Variants in CPNE4 observed in about 807,000 individuals in gnomAD.
CPNE4 encodes copine-4.
Under a neutral mutation model 67.9 loss-of-function variants are expected in CPNE4, and 25 were observed. That is an observed-to-expected ratio of 0.37 (90% CI 0.27 to 0.51). The LOEUF (loss-of-function observed/expected upper bound fraction) is 0.51. Ranked by LOEUF, CPNE4 falls within the 20% of genes least tolerant of loss-of-function variation. CPNE4 has a pLI of 0.93. For synonymous variants in CPNE4, 242 were observed against 244.9 expected (o/e 0.99, Z 0.11); for missense variants, 464 against 690.8 (o/e 0.67, Z 3.68).
intron 1 of CPNE4, among the ~76,000 whole-genome samples, chr3:132,025,503 G>C (rs1285601474): frequency 2.0e-5 from 3 of 152,158 alleles, no homozygotes; most frequent in Non-Finnish European, 4.4e-5. Flanking sequence ...AAGGGTAAAT[G>C]ATTCAGTAGC....
At chr3:131,916,972 G>T (rs1264908492) in intron 1 of CPNE4, among the ~76,000 whole-genome samples, 1 of 152,140 alleles carries the variant, frequency 6.6e-6, no homozygotes, top group Non-Finnish European at 1.5e-5. Context: ...GTGCTCAAAA[G>T]ACTTAACAGG....
At chr3:131,876,653 A>AAAAAAAAAAAAAAG (rs762079430) in intron 2 of CPNE4, among the ~76,000 whole-genome samples, 118 of 140,696 alleles carry the variant, frequency 8.4e-4, no homozygotes, top group South Asian at 1.3e-3. Flanking sequence ...AAAAAAAAAA[A>AAAAAAAAAAAAAAG]AAAGAAAGAA....
intron 7 of CPNE4, among the ~76,000 whole-genome samples, chr3:131,623,308 A>G (rs1022946582): frequency 2.0e-5 from 3 of 152,060 alleles, no homozygotes; most frequent in Non-Finnish European, 4.4e-5. Context: ...TCATTGGGTG[A>G]TGATTTTTGT....
At chr3:132,026,221 G>A (rs1263320628) in intron 1 of CPNE4, among the ~76,000 whole-genome samples, 2 of 152,202 alleles carry the variant, frequency 1.3e-5, no homozygotes, top group Non-Finnish European at 2.9e-5. Context: ...CAGAGTGACA[G>A]AGGGAGTATC....
chr3:131,712,158 G>A (rs2107724451), intron 3 of CPNE4, among the ~76,000 whole-genome samples: 1 of 152,282 alleles, frequency 6.6e-6, no homozygotes, highest in Non-Finnish European at 1.5e-5. Context: ...TCCTCCACCT[G>A]AGTGTGAGTT....
intron 15 of CPNE4, among the ~76,000 whole-genome samples, chr3:131,535,660 T>C (rs1935097930): frequency 6.6e-6 from 1 of 152,212 alleles, no homozygotes; most frequent in Non-Finnish European, 1.5e-5. Flanking sequence ...GGTGCCACAC[T>C]AGGGTTTGAG....
chr3:131,642,849 CT>C (rs1341409200), intron 7 of CPNE4, among the ~76,000 whole-genome samples: 1 of 152,168 alleles, frequency 6.6e-6, no homozygotes, highest in African/African-American at 2.4e-5. Flanking sequence ...AACATCTTTC[CT>C]TTATAAATAA....
intron 3 of CPNE4, among the ~76,000 whole-genome samples, chr3:131,720,630 A>G (rs939543214): frequency 6.6e-6 from 1 of 152,222 alleles, no homozygotes; most frequent in African/African-American, 2.4e-5. Flanking sequence ...CACAAAGTGT[A>G]TAAATGTCCC....
intron 1 of CPNE4, among the ~76,000 whole-genome samples, chr3:131,931,060 C>T (rs1194318757): frequency 6.6e-6 from 1 of 152,084 alleles, no homozygotes; most frequent in Non-Finnish European, 1.5e-5. Context: ...GGAAATATCA[C>T]TACCTGATAT....
chr3:131,758,967 T>G (rs1350086993), intron 2 of CPNE4, among the ~76,000 whole-genome samples: 4 of 152,182 alleles, frequency 2.6e-5, no homozygotes, highest in Admixed American at 6.5e-5. Flanking sequence ...AACCTCTTTT[T>G]CTTCCCCGTG....
chr3:131,601,565 T>G (rs114228619), intron 7 of CPNE4, among the ~76,000 whole-genome samples: 12 of 152,282 alleles, frequency 7.9e-5, no homozygotes, highest in Middle Eastern at 3.4e-3. Flanking sequence ...TTCTTTATCT[T>G]ATTTATACAG....
intron 2 of CPNE4, among the ~76,000 whole-genome samples, chr3:131,746,161 T>G (rs553649906): frequency 6.6e-6 from 1 of 152,150 alleles, no homozygotes; most frequent in Non-Finnish European, 1.5e-5. Context: ...AGATAATAAG[T>G]GTACATATTT....
At chr3:131,644,017 TA>T (rs981114957) in intron 7 of CPNE4, among the ~76,000 whole-genome samples, 4 of 152,202 alleles carry the variant, frequency 2.6e-5, no homozygotes, top group Admixed American at 2.6e-4. Context: ...GCCCATTTAA[TA>T]GCCTTTTGTA....
chr3:131,778,463 A>G (rs1004086747), intron 2 of CPNE4, among the ~76,000 whole-genome samples: 6 of 152,076 alleles, frequency 3.9e-5, no homozygotes, highest in African/African-American at 9.7e-5. Context: ...CAGCTTCCTC[A>G]TCTGTAGAGT....
chr3:132,000,997 T>G (rs542689393), intron 1 of CPNE4, among the ~76,000 whole-genome samples: 40 of 152,106 alleles, frequency 2.6e-4, no homozygotes, highest in African/African-American at 8.7e-4. Context: ...CTTGCCTAGA[T>G]CCACTCAGAA....
At chr3:131,942,461 TGTGA>T (rs1413241675) in intron 1 of CPNE4, among the ~76,000 whole-genome samples, 42 of 57,640 alleles carry the variant, frequency 7.3e-4, no homozygotes, top group South Asian at 1.3e-3. Flanking sequence ...TGTGTGTGTG[TGTGA>T]GAGAGAGAGA....
intron 2 of CPNE4, among the ~76,000 whole-genome samples, chr3:131,726,366 C>A (rs1328631444): frequency 6.6e-6 from 1 of 152,056 alleles, no homozygotes; most frequent in Non-Finnish European, 1.5e-5. Context: ...AGCGAAATGA[C>A]AAGATGGAAA....
chr3:131,658,388 G>GA (rs11434538), intron 7 of CPNE4, among the ~76,000 whole-genome samples: 50,153 of 152,002 alleles, frequency 0.33, 8,639 homozygotes, highest in African/African-American at 0.4. Context: ...CATGGGGGTG[G>GA]ATGTGGGATT....
At chr3:131,715,006 G>T (rs939375482) in intron 3 of CPNE4, among the ~76,000 whole-genome samples, 6 of 145,790 alleles carry the variant, frequency 4.1e-5, no homozygotes, top group African/African-American at 1.3e-4. Flanking sequence ...ACAATGAAGA[G>T]AAGATGACTT....
Sources: allele counts gnomAD v4.1 joint callset (sites outside exome capture counted in the v4.1 genomes callset), GRCh38; gene constraint gnomAD v4.1.1; transcripts MANE v1.5; gene names NCBI Gene and HGNC (gene_info 2026-07-23, HGNC 2026-07-21).